The following CXCL13 variants were observed in gnomAD, a reference collection of about 807,000 sequenced individuals.
CXCL13 encodes C-X-C motif chemokine 13.
Under a neutral mutation model 12.2 loss-of-function variants are expected in CXCL13, and 7 were observed. That is an observed-to-expected ratio of 0.57 (90% CI 0.33 to 1.07). The LOEUF (loss-of-function observed/expected upper bound fraction) is 1.07, where lower values mean the gene tolerates loss of function less well. Ranked by LOEUF, CXCL13 falls within the 50% of genes least tolerant of loss-of-function variation. The pLI is 0.04. For missense variants in CXCL13, 113 were observed against 127.4 expected (o/e 0.89, Z 0.55); for synonymous variants, 47 against 42.4 (o/e 1.11, Z -0.42).
chr4:77,591,007 G>T (rs1206596584), intron 1 of CXCL13, among the ~76,000 whole-genome samples: 1 of 152,108 alleles, frequency 6.6e-6, no homozygotes, highest in Non-Finnish European at 1.5e-5. Context: ...AGCCTCCTAA[G>T]TAGCTGGGAT....
At chr4:77,552,386 C>T (rs1286308110) in intron 1 of CXCL13, among the ~76,000 whole-genome samples, 3 of 152,144 alleles carry the variant, frequency 2.0e-5, no homozygotes, top group Admixed American at 6.5e-5. Flanking sequence ...TTTCTGTCAG[C>T]AGGTTTTATT....
rs185821562 is a variant in CXCL13, at chr4:77,574,930, T to C, written c.-42-30894T>C. The stretch of plus-strand genomic sequence containing the variant: ...AAACAGCCTTAAAGATTATTGGCAA[T>C]GTAGATGTTGTCAAAATGTAAATAT... On this transcript the variant is annotated intron_variant, in intron 1 of 4. Transcript: ENST00000286758. 4.8e-3 allele frequency among the ~76,000 whole-genome samples: 723 copies of C among 152,082 alleles called. 6 individuals are homozygous for C. The highest frequency in any genetic ancestry group is 6.8e-3 in the Middle Eastern group (2 of 294).
intron 1 of CXCL13, among the ~76,000 whole-genome samples, chr4:77,585,835 G>A (rs1245920919): frequency 6.6e-6 from 1 of 151,122 alleles, no homozygotes; most frequent in Non-Finnish European, 1.5e-5. Flanking sequence ...CATAGGGCAC[G>A]CGGCAGGCCT....
intron 1 of CXCL13, among the ~76,000 whole-genome samples, chr4:77,573,501 A>T (rs532009833): frequency 6.6e-6 from 1 of 151,598 alleles, no homozygotes; most frequent in Non-Finnish European, 1.5e-5. Flanking sequence ...TGTTCCCAAA[A>T]ATTAAAGAAG....
At chr4:77,597,397 A>T (rs917415816) in intron 1 of CXCL13, among the ~76,000 whole-genome samples, 17 of 152,184 alleles carry the variant, frequency 1.1e-4, no homozygotes, top group Non-Finnish European at 2.9e-5. Context: ...ATGTCATTTT[A>T]AAAAAGATTT....
At chr4:77,605,444 A>G (rs1339477619), upstream of CXCL13, among the ~76,000 whole-genome samples, 1 of 152,142 alleles carries the variant, frequency 6.6e-6, no homozygotes, top group Non-Finnish European at 1.5e-5. Context: ...CGGAGTCCCC[A>G]ATGTCATGGA....
At chr4:77,550,375 G>A (rs369466777) in intron 1 of CXCL13, among the ~76,000 whole-genome samples, 38 of 152,268 alleles carry the variant, frequency 2.5e-4, no homozygotes, top group African/African-American at 8.4e-4. Context: ...CCAATGAGAC[G>A]AACCCAGTAT....
intron 1 of CXCL13, among the ~76,000 whole-genome samples, chr4:77,555,429 T>C (rs1246651479): frequency 6.6e-6 from 1 of 152,036 alleles, no homozygotes; most frequent in Non-Finnish European, 1.5e-5. Context: ...GTAGAAAAGA[T>C]TTTTCATTAA....
chr4:77,604,123 T>C (rs534043095), upstream of CXCL13, among the ~76,000 whole-genome samples: 2 of 152,238 alleles, frequency 1.3e-5, no homozygotes, highest in African/African-American at 4.8e-5. Flanking sequence ...ACTGATAACC[T>C]CCTCGGGCTC....
At chr4:77,571,606 A>T (rs1418737708) in intron 1 of CXCL13, among the ~76,000 whole-genome samples, 1 of 151,662 alleles carries the variant, frequency 6.6e-6, no homozygotes, top group African/African-American at 2.4e-5. Flanking sequence ...GAACCTTTGT[A>T]TCTAGCTCAG....
At chr4:77,537,198 G>A (rs1242476808) in intron 1 of CXCL13, among the ~76,000 whole-genome samples, 1 of 152,202 alleles carries the variant, frequency 6.6e-6, no homozygotes, top group African/African-American at 2.4e-5. Flanking sequence ...TCTGGGACTG[G>A]CAGCTATAAG....
intron 1 of CXCL13, among the ~76,000 whole-genome samples, chr4:77,548,064 A>G (rs550323120): frequency 6.6e-6 from 1 of 152,320 alleles, no homozygotes; most frequent in Admixed American, 6.5e-5. Context: ...AGTGTTTAAT[A>G]TCAATTTCTG....
intron 1 of CXCL13, among the ~76,000 whole-genome samples, chr4:77,577,648 T>C (rs528006157): frequency 2.0e-5 from 3 of 152,284 alleles, no homozygotes; most frequent in African/African-American, 7.2e-5. Flanking sequence ...CCTAGGCCTT[T>C]CCATTAATAT....
chr4:77,572,231 T>C (rs780978021), intron 1 of CXCL13, among the ~76,000 whole-genome samples: 3 of 151,700 alleles, frequency 2.0e-5, no homozygotes, highest in Admixed American at 1.3e-4. Context: ...TGAAATTCCA[T>C]CTCCCCTAAA....
At chr4:77,564,810 G>T (rs77075113) in intron 1 of CXCL13, among the ~76,000 whole-genome samples, 1 of 152,154 alleles carries the variant, frequency 6.6e-6, no homozygotes, top group Admixed American at 6.5e-5. Flanking sequence ...GATATTGTGC[G>T]GAAAGGACCC....
chr4:77,543,254 A>T (rs568441781), intron 1 of CXCL13, among the ~76,000 whole-genome samples: 27 of 151,354 alleles, frequency 1.8e-4, no homozygotes, highest in Non-Finnish European at 3.1e-4. Flanking sequence ...TGTTTTTTTC[A>T]TTTTTTATTA....
intron 1 of CXCL13, among the ~76,000 whole-genome samples, chr4:77,545,296 A>G (rs978255255): frequency 2.0e-5 from 3 of 152,238 alleles, no homozygotes; most frequent in Admixed American, 6.5e-5. Flanking sequence ...AGTCATTGGT[A>G]GCTTGATGGG....
intron 1 of CXCL13, among the ~76,000 whole-genome samples, chr4:77,513,706 C>T (rs1360561368): frequency 6.6e-6 from 1 of 152,122 alleles, no homozygotes; most frequent in Non-Finnish European, 1.5e-5. Context: ...CCCAACTCAG[C>T]CTCCCAAAAT....
intron 1 of CXCL13, among the ~76,000 whole-genome samples, chr4:77,572,974 T>G (rs1206200890): frequency 6.6e-6 from 1 of 151,308 alleles, no homozygotes; most frequent in Non-Finnish European, 1.5e-5. Context: ...CTCAGCAAAC[T>G]AACACAGGAA....
Sources: allele counts gnomAD v4.1 joint callset (sites outside exome capture counted in the v4.1 genomes callset), GRCh38; gene constraint gnomAD v4.1.1; transcripts MANE v1.5; gene names NCBI Gene and HGNC (gene_info 2026-07-23, HGNC 2026-07-21).